Variants in AGTPBP1 observed in about 807,000 individuals in gnomAD.
AGTPBP1 encodes the protein cytosolic carboxypeptidase 1.
Under a neutral mutation model 143.9 loss-of-function variants are expected in AGTPBP1, and 70 were observed. The ratio of observed to expected loss-of-function variants is 0.49; its 90% confidence interval spans 0.40 to 0.59. The LOEUF is 0.59. Ranked by LOEUF, AGTPBP1 falls within the 20% of genes least tolerant of loss-of-function variation. The probability of loss-of-function intolerance (pLI) is 0.00; values close to 1 mark genes in which losing one functional copy is unlikely to be tolerated. For missense variants in AGTPBP1, 1,229 were observed against 1,464.5 expected (o/e 0.84, Z 2.62); for synonymous variants, 463 against 500.2 (o/e 0.93, Z 0.99).
intron 2 of AGTPBP1, among the ~76,000 whole-genome samples, chr9:85,697,219 G>T (rs1836303772): frequency 6.6e-6 from 1 of 151,988 alleles, no homozygotes; most frequent in African/African-American, 2.4e-5. Flanking sequence ...CACATAACAT[G>T]TAAACTCAGA....
intron 13 of AGTPBP1, among the ~76,000 whole-genome samples, 168 bp from the exon 14 acceptor site, chr9:85,633,542 A>G (rs568290287): frequency 6.6e-6 from 1 of 152,352 alleles, no homozygotes; most frequent in South Asian, 2.1e-4. Flanking sequence ...TTTAACCACA[A>G]CAAAATTCAT....
At chr9:85,684,041 G>A (rs1190668506) in intron 3 of AGTPBP1, among the ~76,000 whole-genome samples, 1 of 151,354 alleles carries the variant, frequency 6.6e-6, no homozygotes, top group Non-Finnish European at 1.5e-5. Context: ...ATTTAAGACT[G>A]TTAATACCAT....
chr9:85,623,367 A>G (rs1587759765), intron 14 of AGTPBP1, among the ~76,000 whole-genome samples: 1 of 152,172 alleles, frequency 6.6e-6, no homozygotes, highest in East Asian at 1.9e-4. Flanking sequence ...GTATACCTCT[A>G]ACACTGTATT....
chr9:85,719,329 T>A (rs1187144614), intron 1 of AGTPBP1, among the ~76,000 whole-genome samples: 1 of 152,210 alleles, frequency 6.6e-6, no homozygotes, highest in Admixed American at 6.5e-5. Context: ...GTTTTTGTCC[T>A]CTTTTATGTT....
chr9:85,770,318 T>C, the AGTPBP1 span: 2 of 1,606,576 alleles, frequency 1.2e-6, no homozygotes, highest in Non-Finnish European at 1.7e-6. Flanking sequence ...GAAGAAGGGA[T>C]TGAAGCTTTG....
chr9:85,707,393 T>C (rs548273877), intron 2 of AGTPBP1, among the ~76,000 whole-genome samples: 109 of 151,364 alleles, frequency 7.2e-4, no homozygotes, highest in African/African-American at 2.6e-3. Flanking sequence ...AAAATCAAAA[T>C]AGAAATCAAA....
intron 1 of AGTPBP1, among the ~76,000 whole-genome samples, chr9:85,736,836 A>G (rs1041927874): frequency 6.6e-6 from 1 of 152,218 alleles, no homozygotes; most frequent in African/African-American, 2.4e-5. Flanking sequence ...AAAGCCAGCC[A>G]TGGCTCACGC....
intron 23 of AGTPBP1, among the ~76,000 whole-genome samples, chr9:85,582,852 G>T (rs79061864): frequency 8.9e-4 from 136 of 152,192 alleles, no homozygotes; most frequent in African/African-American, 3.2e-3. Flanking sequence ...AGGTTCCATG[G>T]TATGGTAGTC....
At chr9:85,797,522 A>C in the AGTPBP1 span, among the ~76,000 whole-genome samples, 204 of 152,136 alleles carry the variant, frequency 1.3e-3, no homozygotes, top group African/African-American at 4.6e-3. Context: ...TTTCCATTTT[A>C]TTTTCTTGGA....
chr9:85,730,422 C>T (rs1024178066), intron 1 of AGTPBP1, among the ~76,000 whole-genome samples: 2 of 152,172 alleles, frequency 1.3e-5, no homozygotes, highest in Non-Finnish European at 2.9e-5. Context: ...AAGAATTGGG[C>T]TTCCTAGTTC....
chr9:85,591,471 G>A (rs1040323779), intron 19 of AGTPBP1, among the ~76,000 whole-genome samples: 5 of 152,054 alleles, frequency 3.3e-5, no homozygotes, highest in African/African-American at 1.2e-4. Flanking sequence ...CATCATGGTA[G>A]GGGGATTGAA....
intron 14 of AGTPBP1, among the ~76,000 whole-genome samples, chr9:85,629,837 C>T (rs941973387): frequency 1.3e-5 from 2 of 151,976 alleles, no homozygotes; most frequent in African/African-American, 2.4e-5. Context: ...GTGTCTTGAC[C>T]GATGAAAGCT....
chr9:85,655,182 T>C lies in AGTPBP1; in HGVS notation c.1048A>G (p.Thr350Ala). 1 of 1,613,636 alleles carries C rather than the reference T, an allele frequency of 6.2e-7. No individual in the cohort carries two copies. Among genetic ancestry groups the C allele is most frequent in the East Asian group, 2.2e-5 (1 of 44,838 alleles). Residue 350 changes from threonine to alanine, a missense_variant, in exon 11 of 26, where the codon ACT (threonine) becomes GCT (alanine). By Grantham distance (58) the Thr-to-Ala change is moderately conservative. This residue lies in a region of AGTPBP1 where 743 missense variants were observed against 812.2 expected (regional missense o/e 0.91). Transcript: ENST00000357081. ...FHFQLPVIPV[T>A]GPVAQLYSLP... ...CTGTAGAGCTGAGCCACAGGACCAG[T>C]CACAGGAATAACAGGCAACTGGAAA... is the stretch of plus-strand genomic sequence containing the variant.
At chr9:85,638,277 T>C (rs867772379) in intron 13 of AGTPBP1, among the ~76,000 whole-genome samples, 7 of 152,076 alleles carry the variant, frequency 4.6e-5, no homozygotes, top group Non-Finnish European at 1.0e-4. Flanking sequence ...ACTAGAATTT[T>C]TGCGTATTTG....
At chr9:85,721,490 CTTTT>C (rs56681803) in intron 1 of AGTPBP1, among the ~76,000 whole-genome samples, 152 of 133,186 alleles carry the variant, frequency 1.1e-3, no homozygotes, top group Non-Finnish European at 1.9e-3. Flanking sequence ...GCAACCCCTG[CTTTT>C]TTTTTTTTTT....
chr9:85,611,824 G>C (rs1459011698), intron 17 of AGTPBP1, among the ~76,000 whole-genome samples: 3 of 152,136 alleles, frequency 2.0e-5, no homozygotes, highest in African/African-American at 7.2e-5. Context: ...GGGATTACAG[G>C]TGTGTGCCAC....
At chr9:85,699,233 G>A (rs761357674) in intron 2 of AGTPBP1, among the ~76,000 whole-genome samples, 6 of 152,014 alleles carry the variant, frequency 3.9e-5, no homozygotes, top group Non-Finnish European at 5.9e-5. Flanking sequence ...ATCCTCCCAC[G>A]TGAGTCTCCC....
the AGTPBP1 span, among the ~76,000 whole-genome samples, chr9:85,794,379 C>A: frequency 6.6e-6 from 1 of 152,172 alleles, no homozygotes; most frequent in East Asian, 1.9e-4. Flanking sequence ...ATTTTGCATG[C>A]AGATATCCAG....
intron 17 of AGTPBP1, among the ~76,000 whole-genome samples, chr9:85,601,648 T>C (rs149744767): frequency 7.5e-4 from 114 of 152,290 alleles, no homozygotes; most frequent in African/African-American, 2.7e-3. Context: ...GCTCATGCTA[T>C]GCCTGCTGCT....
Sources: allele counts gnomAD v4.1 joint callset (sites outside exome capture counted in the v4.1 genomes callset), GRCh38; gene constraint gnomAD v4.1.1; regional missense constraint gnomAD v4.1.1; transcripts MANE v1.5; gene names NCBI Gene and HGNC (gene_info 2026-07-23, HGNC 2026-07-21).